The following MICAL1 variants were observed in gnomAD, a reference collection of about 807,000 sequenced individuals.
The protein encoded by MICAL1 is [F-actin]-monooxygenase MICAL1.
Under a neutral mutation model 131.8 loss-of-function variants are expected in MICAL1, and 95 were observed. That is an observed-to-expected ratio of 0.72 (90% confidence interval 0.61 to 0.86). The LOEUF is 0.86. Among genes scored for constraint, MICAL1 ranks in the 40% least tolerant of loss-of-function variants. MICAL1 has a pLI of 0.00. For missense variants in MICAL1, 1,292 were observed against 1,380.6 expected (o/e 0.94, Z 1.02); for synonymous variants, 546 against 554.2 (o/e 0.99, Z 0.21).
chr6:109,445,635 T>C, intron 20 of MICAL1, 106 bp from the exon 21 acceptor site: 1 of 1,520,966 alleles, frequency 6.6e-7, no homozygotes, highest in Non-Finnish European at 9.0e-7. Flanking sequence ...GGGTAAGCTC[T>C]GGTAGAAAAG....
intron 13 of MICAL1, 117 bp from the exon 14 acceptor site, chr6:109,448,080 G>A (rs1292769582): frequency 3.8e-5 from 49 of 1,278,212 alleles, no homozygotes; most frequent in Non-Finnish European, 4.8e-5. Flanking sequence ...CTCAGAGGGC[G>A]CCTTCTTCCT....
At chr6:109,461,368 G>A (rs1038956016) in intron 1 of MICAL1, among the ~76,000 whole-genome samples, 1 of 152,022 alleles carries the variant, frequency 6.6e-6, no homozygotes, top group African/African-American at 2.4e-5. Context: ...TAAATCAATA[G>A]TAGTGAAACA....
At position 109,453,778 on chromosome 6, in the gene MICAL1, C is replaced by CG. The variant is rs1562293645; in HGVS notation, c.325dup (p.Arg109ProfsTer33). On this transcript the variant is annotated frameshift_variant, in exon 3 of 25. Coordinates refer to ENST00000358807, the MANE Select transcript of MICAL1 (RefSeq NM_022765.4). LOFTEE classifies it high-confidence loss of function. ...GGTGCGCTTTTCCACCAGCACCACT[C>CG]GGGCCCCCAGCAGCGCCAGCTCCAC... is the stretch of plus-strand genomic sequence containing the variant. 6.2e-7 allele frequency: 1 copy of CG among 1,613,704 alleles called. No homozygotes were observed. Among genetic ancestry groups the CG allele is most frequent in the Non-Finnish European group, 8.5e-7 (1 of 1,179,996 alleles).
rs1461149677 is a variant in MICAL1, at chr6:109,452,425, A to G, written c.677-24T>C. The G allele has an allele frequency of 1.9e-6, 3 of 1,612,500 alleles. No homozygotes were observed. The African/African-American group carries it at 4.0e-5, about 22-fold the overall frequency. On this transcript the variant is annotated intron_variant, in intron 5 of 24. Coordinates refer to ENST00000358807, the MANE Select transcript of MICAL1 (RefSeq NM_022765.4). Reference sequence around the variant, plus strand: ...GCCTAGAGGTGGCGGTAGGTGAACAATGGCAGGAGGAGGGGGTTATAACAA... The same window carrying G: ...GCCTAGAGGTGGCGGTAGGTGAACAGTGGCAGGAGGAGGGGGTTATAACAA...
Position 109,448,263 on chromosome 6 carries a change from C to T in MICAL1, c.1795G>A (p.Gly599Ser), listed in dbSNP as rs777646974. 22 of 1,613,706 alleles carry T rather than the reference C, an allele frequency of 1.4e-5. No homozygotes were observed. Among genetic ancestry groups the T allele is most frequent in the Non-Finnish European group, 1.8e-5 (21 of 1,179,990 alleles). ...QAVVAGSDPL[G>S]LIAYLSHFHS... ...AAGTGGCTGAGGTAGGCAATGAGGC[C>T]CAGTGGGTCACTCCCTGCTACCACG... The change falls in exon 13 of 25, where the codon GGC becomes AGC. Residue 599 changes from glycine to serine, a missense_variant. Gly to Ser is a moderately conservative substitution (Grantham distance 56, BLOSUM62 0). Coordinates refer to ENST00000358807, the MANE Select transcript of MICAL1 (RefSeq NM_022765.4).
intron 11 of MICAL1, 84 bp from the exon 12 acceptor site, chr6:109,448,963 T>C (rs1775381016): frequency 1.3e-6 from 2 of 1,557,760 alleles, no homozygotes; most frequent in African/African-American, 2.7e-5. Flanking sequence ...ATGTGGGGGT[T>C]CTGTAGGGGA....
At position 109,449,760 on chromosome 6, in the gene MICAL1, G is replaced by A; in HGVS notation, c.1331C>T (p.Ser444Leu). 2 of 1,609,146 alleles carry A rather than the reference G, an allele frequency of 1.2e-6. No homozygotes were observed. The highest frequency in any genetic ancestry group is 2.7e-5 in the African/African-American group (2 of 74,956). Reference sequence around the variant, plus strand: ...ATGCATGTTTTCTGGGGATGTCTGTGACAGAAGCTGGTACAGGCTCTCACT... The same window carrying A: ...ATGCATGTTTTCTGGGGATGTCTGTAACAGAAGCTGGTACAGGCTCTCACT... Reference protein sequence around the residue: ...AERESLYQLLSQTSPENMHRN... With the variant: ...AERESLYQLLLQTSPENMHRN... The change falls in exon 10 of 25, where the codon TCA (serine) becomes TTA (leucine). Residue 444 changes from serine (S) to leucine (L), a missense_variant. Ser to Leu is a moderately radical substitution (Grantham distance 145). Coordinates refer to ENST00000358807, the MANE Select transcript of MICAL1 (RefSeq NM_022765.4).
intron 1 of MICAL1, among the ~76,000 whole-genome samples, chr6:109,461,710 T>G (rs933247210): frequency 6.6e-6 from 1 of 152,160 alleles, no homozygotes; most frequent in African/African-American, 2.4e-5. Flanking sequence ...TAATAAGAAC[T>G]TAATAAGTGG....
At position 109,454,173 on chromosome 6, in the gene MICAL1, G is replaced by T; in HGVS notation, c.24C>A (p.Asn8Lys). 6.2e-7 allele frequency: 1 copy of T among 1,606,104 alleles called. No homozygotes were observed. Among genetic ancestry groups the T allele is most frequent in the Non-Finnish European group, 8.5e-7 (1 of 1,176,586 alleles). Residue 8 changes from asparagine (N) to lysine (K), a missense_variant, in exon 2 of 25, where the codon AAC becomes AAA. Transcript: ENST00000358807. MASPTST[N>K]PAHAHFESFL... is the part of the protein sequence containing the mutation. ...AGCTCTCAAAGTGGGCATGCGCTGG[G>T]TTGGTGGAGGTAGGTGAAGCCATGG...
chr6:109,453,196 T>G, intron 4 of MICAL1, 67 bp downstream of exon 4: 2 of 1,331,568 alleles, frequency 1.5e-6, no homozygotes, highest in Admixed American at 3.4e-5. Context: ...TGGCCCATCC[T>G]TTTTCAGACA....
rs551358466 is a variant in MICAL1, at chr6:109,455,689, G to A, written c.-44+30C>T. 6.2e-4 allele frequency: 615 copies of A among 984,902 alleles called. 1 individual carries two copies. In the African/African-American group the frequency reaches 0.01, roughly 16 times the overall value. 61.0% of individuals were successfully genotyped at this position (984,902 alleles called of 1,614,324 possible). ...CCACCTCACCCCACCCGGCCGCGGG[G>A]CTCGCAGCCGGCTCCGCTGGACGAC... On this transcript the variant is annotated intron_variant, in intron 1 of 24. Coordinates refer to ENST00000358807, the MANE Select transcript of MICAL1 (RefSeq NM_022765.4). This position sits in a 1 kb window ranked among gnomAD's most constrained non-coding sequence, Gnocchi z 4.7.
chr6:109,447,907 G>A lies in MICAL1; in HGVS notation c.1912C>T (p.Leu638Phe). The part of the protein sequence containing the change: ...TSSAVLFLSK[L>F]QRTLQRSRAK... ...CGGGATCGCTGCAGGGTCCTCTGAAGTTTACTAAGGAATAATACAGCACTG... is the reference window on the plus strand; with the variant it reads ...CGGGATCGCTGCAGGGTCCTCTGAAATTTACTAAGGAATAATACAGCACTG... The change falls in exon 14 of 25, where the codon CTT becomes TTT. Residue 638 changes from leucine to phenylalanine, a missense_variant. Transcript: ENST00000358807. The A allele has an allele frequency of 1.2e-6, 2 of 1,613,428 alleles. No individual in the cohort carries two copies. The highest frequency in any genetic ancestry group is 1.1e-5 in the South Asian group (1 of 91,018).
rs773708378 is a variant in MICAL1, at chr6:109,449,665, G to A, written c.1426C>T (p.Pro476Ser). The A allele has an allele frequency of 1.1e-5, 18 of 1,582,550 alleles. No individual in the cohort carries two copies. Among genetic ancestry groups the A allele is most frequent in the East Asian group, 4.5e-5 (2 of 44,734 alleles). The change falls in exon 10 of 25, where the codon CCC becomes TCC. Residue 476 changes from proline (P) to serine (S), a missense_variant. Transcript: ENST00000358807. ...YPNLNLRAVT[P>S]NQVRDLYDVL... ...TGTGTCGGGGGTCTGACCTGATTGG[G>A]GGTCACTGCCCGGAGGTTCAGGTTG...
exon 1 of MICAL1, chr6:109,465,877 T>G: frequency 1.2e-6 from 2 of 1,614,130 alleles, no homozygotes; most frequent in East Asian, 2.2e-5. Flanking sequence ...CCAAGTGGCG[T>G]TGGCTGGGGC....
intron 8 of MICAL1, 65 bp from the exon 9 acceptor site, chr6:109,450,150 T>C (rs1775477128): frequency 6.3e-7 from 1 of 1,578,352 alleles, no homozygotes; most frequent in Non-Finnish European, 8.6e-7. Context: ...CAAGCCCAGA[T>C]ATCCACCCAG....
intron 21 of MICAL1, 56 bp downstream of exon 21, chr6:109,445,360 G>A: frequency 6.2e-7 from 1 of 1,612,936 alleles, no homozygotes; most frequent in Non-Finnish European, 8.5e-7. Flanking sequence ...GAGGAACTCT[G>A]ATCTCAGTCT....
At chr6:109,461,754 ATTAC>A (rs898642360) in intron 1 of MICAL1, among the ~76,000 whole-genome samples, 18 of 152,184 alleles carry the variant, frequency 1.2e-4, no homozygotes, top group African/African-American at 4.1e-4. Context: ...TAAATAAGAA[ATTAC>A]TTATTTAATA....
intron 13 of MICAL1, 61 bp downstream of exon 13, chr6:109,448,142 C>A: frequency 1.9e-6 from 2 of 1,056,162 alleles, no homozygotes; most frequent in Admixed American, 6.8e-5. Flanking sequence ...GTCACACACA[C>A]ACACACACAC....
chr6:109,450,751 A>C (rs1775506061), intron 7 of MICAL1, among the ~76,000 whole-genome samples, 194 bp from the exon 8 acceptor site: 1 of 152,194 alleles, frequency 6.6e-6, no homozygotes, highest in Non-Finnish European at 1.5e-5. Flanking sequence ...CCCTTTCTTC[A>C]ACATTCACCC....
Sources: allele counts gnomAD v4.1 joint callset (sites outside exome capture counted in the v4.1 genomes callset), GRCh38; gene constraint gnomAD v4.1.1; non-coding constraint Gnocchi (gnomAD v3.1); transcripts MANE v1.5; gene names NCBI Gene and HGNC (gene_info 2026-07-23, HGNC 2026-07-21).